QKI: variants seen among roughly 807,000 people sequenced by gnomAD.
The protein encoded by QKI is QKI, KH domain containing RNA binding.
QKI carries 10 observed loss-of-function variants against 39.0 expected under a neutral mutation model. That is an observed-to-expected ratio of 0.26 (90% CI 0.16 to 0.43). The LOEUF is 0.43. QKI is among the 20% of genes least tolerant of loss of function. The probability of loss-of-function intolerance (pLI) is 1.00; values close to 1 mark genes in which losing one functional copy is unlikely to be tolerated. For missense variants in QKI, 218 were observed against 428.0 expected (o/e 0.51, Z 4.33); for synonymous variants, 204 against 155.4 (o/e 1.31, Z -2.33).
chr6:163,541,348 A>C (rs1781503056), intron 4 of QKI, among the ~76,000 whole-genome samples: 2 of 152,048 alleles, frequency 1.3e-5, no homozygotes, highest in African/African-American at 4.8e-5. Flanking sequence ...TTAATCTAAT[A>C]ACTTTTTGCT....
intron 1 of QKI, 135 bp downstream of exon 1, chr6:163,415,470 G>A: frequency 1.2e-6 from 1 of 816,254 alleles, no homozygotes; most frequent in East Asian, 3.9e-5. Flanking sequence ...AGGCCAGGAG[G>A]GCGCACAAAG....
At chr6:163,426,571 C>T (rs1397760312) in intron 1 of QKI, among the ~76,000 whole-genome samples, 2 of 152,014 alleles carry the variant, frequency 1.3e-5, no homozygotes, top group Non-Finnish European at 2.9e-5. Context: ...CCAAAGGTGC[C>T]CCGTCAACAT....
chr6:163,465,850 A>G (rs890176868), intron 2 of QKI, among the ~76,000 whole-genome samples: 3 of 151,754 alleles, frequency 2.0e-5, no homozygotes, highest in Non-Finnish European at 4.4e-5. Context: ...GAGGTCAGGT[A>G]TGGTGGTTAA....
chr6:163,498,382 AAT>A (rs1245756875), intron 3 of QKI, among the ~76,000 whole-genome samples: 2 of 152,174 alleles, frequency 1.3e-5, no homozygotes, highest in East Asian at 3.8e-4. Flanking sequence ...AGTTTGGACA[AAT>A]AATTCCTGTT....
intron 6 of QKI, chr6:163,565,202 C>T (rs1219156649): frequency 1.0e-6 from 1 of 989,800 alleles, no homozygotes; most frequent in Non-Finnish European, 1.2e-6. Flanking sequence ...TAACATGTAA[C>T]CTGTAACCTT....
Position 163,438,986 on chromosome 6 carries a change from T to C in QKI, c.143-16293T>C, listed in dbSNP as rs536906410. On this transcript the variant is annotated intron_variant, in intron 1 of 7. Transcript: ENST00000361752. ...TATATCCTTATTCTATAAGCTCTTT[T>C]CTGTTTTCGAACTTTTCTATTTAAT... is the stretch of plus-strand genomic sequence containing the variant. Among the ~76,000 whole-genome samples the C allele has an allele frequency of 3.5e-4, 53 of 152,330 alleles. 1 individual carries two copies. Among genetic ancestry groups the C allele is most frequent in the African/African-American group, 1.3e-3 (52 of 41,584 alleles).
chr6:163,500,455 A>T (rs1179469183), intron 3 of QKI, among the ~76,000 whole-genome samples: 6 of 152,148 alleles, frequency 3.9e-5, no homozygotes, highest in Non-Finnish European at 7.3e-5. Context: ...TGAATTTCCA[A>T]AGCACTTGTT....
intron 4 of QKI, among the ~76,000 whole-genome samples, chr6:163,552,233 G>C (rs1175659852): frequency 3.0e-5 from 3 of 98,538 alleles, no homozygotes; most frequent in African/African-American, 1.2e-4. Flanking sequence ...TTTTTTGACA[G>C]AGACTAGCTC....
At chr6:163,419,326 C>A (rs1177872660) in intron 1 of QKI, among the ~76,000 whole-genome samples, 1 of 151,096 alleles carries the variant, frequency 6.6e-6, no homozygotes, top group African/African-American at 2.4e-5. Flanking sequence ...CCTGAGAATT[C>A]ATTTACAAAA....
At chr6:163,526,497 T>A (rs1308125126) in intron 3 of QKI, among the ~76,000 whole-genome samples, 1 of 152,202 alleles carries the variant, frequency 6.6e-6, no homozygotes, top group East Asian at 1.9e-4. Context: ...GTAACGAATT[T>A]TATGTGGGTG....
chr6:163,578,223 TAATATA>T lies in QKI; in HGVS notation c.*7516_*7521del, dbSNP rs1777692473. 6.6e-6 allele frequency: 1 copy of T among 152,188 alleles called. No homozygotes were observed. Among genetic ancestry groups the T allele is most frequent in the Non-Finnish European group, 1.5e-5 (1 of 68,028 alleles). The allele number at this position is 152,188 out of a possible 1,614,324, so 9.4% of individuals were successfully genotyped here. On this transcript the variant is annotated 3_prime_UTR_variant, in exon 8 of 8. Coordinates refer to ENST00000361752, the MANE Select transcript of QKI (RefSeq NM_006775.3). ...GTTCATTGGTTACTTAACTGGATATTAATATAAAGGTTATTACAAGAAAAATGATGA... is the reference window on the plus strand; with the variant it reads ...GTTCATTGGTTACTTAACTGGATATTAAGGTTATTACAAGAAAAATGATGA...
intron 7 of QKI, chr6:163,567,826 G>A (rs1583234918): frequency 3.0e-6 from 3 of 985,088 alleles, no homozygotes; most frequent in Non-Finnish European, 3.6e-6. Flanking sequence ...TGCTGGATTT[G>A]TACTTCAATT....
At chr6:163,546,276 G>A (rs1781868409) in intron 4 of QKI, among the ~76,000 whole-genome samples, 1 of 151,660 alleles carries the variant, frequency 6.6e-6, no homozygotes, top group African/African-American at 2.4e-5. Flanking sequence ...TTGTTTGCAT[G>A]CCCTTCTGAT....
At chr6:163,419,048 A>C (rs190547430) in intron 1 of QKI, among the ~76,000 whole-genome samples, 1 of 152,120 alleles carries the variant, frequency 6.6e-6, no homozygotes, top group Non-Finnish European at 1.5e-5. Flanking sequence ...TCAGAAAAAG[A>C]GAGCAGATGG....
intron 7 of QKI, chr6:163,567,645 GAAT>G: frequency 4.1e-6 from 4 of 984,982 alleles, no homozygotes; most frequent in Non-Finnish European, 4.8e-6. Flanking sequence ...GCTTATTGAG[GAAT>G]GGTATTTTCG....
chr6:163,497,327 G>C (rs564526887), intron 3 of QKI, among the ~76,000 whole-genome samples: 1 of 151,794 alleles, frequency 6.6e-6, no homozygotes, highest in African/African-American at 2.4e-5. Flanking sequence ...TGGAAATTTC[G>C]CTCTTTATCA....
intron 2 of QKI, among the ~76,000 whole-genome samples, chr6:163,466,983 G>A (rs1791807240): frequency 1.3e-5 from 2 of 150,850 alleles, no homozygotes; most frequent in African/African-American, 4.9e-5. Context: ...GTCTGCTAAG[G>A]GTTTAATATC....
intron 7 of QKI, chr6:163,569,809 T>G (rs1044658578): frequency 1.0e-6 from 1 of 986,502 alleles, no homozygotes. Context: ...TAAAGAAAGC[T>G]GTTTGTAGTT....
chr6:163,448,325 A>G (rs2757584), intron 1 of QKI, among the ~76,000 whole-genome samples: 140,545 of 150,880 alleles, frequency 0.93, 65,497 homozygotes, highest in East Asian at 0.98. Flanking sequence ...GGGAATTACT[A>G]ATAGCTTGGG....
Sources: gnomAD v4.1 joint callset for allele counts (sites outside exome capture counted in the v4.1 genomes callset) on GRCh38, gnomAD v4.1.1 for gene constraint, MANE v1.5 for transcripts, NCBI Gene and HGNC (gene_info 2026-07-23, HGNC 2026-07-21) for gene names.